WWOX: variants seen among roughly 807,000 people sequenced by gnomAD.
The protein encoded by WWOX is WW domain-containing oxidoreductase.
In WWOX, 69 loss-of-function variants were observed where a neutral mutation model predicts 46.2. That is an observed-to-expected ratio of 1.49 (90% CI 1.23 to 1.82). WWOX has a LOEUF of 1.82. Among genes scored for constraint, WWOX ranks in the 40% most tolerant of loss-of-function variants. The pLI is 0.00. For missense variants in WWOX, 919 were observed against 542.6 expected (o/e 1.69, Z -6.89); for synonymous variants, 359 against 202.6 (o/e 1.77, Z -6.56).
intron 5 of WWOX, among the ~76,000 whole-genome samples, chr16:78,354,312 C>CTTTTTTTT (rs55635025): frequency 0.097 from 11,868 of 122,940 alleles, 1,360 homozygotes; most frequent in African/African-American, 0.15. Context: ...ATGTGCTTAA[C>CTTTTTTTT]TTTTTTTTTT....
At chr16:78,628,782 G>C (rs1378226858) in intron 8 of WWOX, among the ~76,000 whole-genome samples, 1 of 152,120 alleles carries the variant, frequency 6.6e-6, no homozygotes, top group Non-Finnish European at 1.5e-5. Flanking sequence ...AGAGACCTTT[G>C]GAAAAGTCTG....
intron 8 of WWOX, among the ~76,000 whole-genome samples, chr16:78,772,663 G>A (rs2050092771): frequency 6.6e-6 from 1 of 152,170 alleles, no homozygotes; most frequent in East Asian, 1.9e-4. Flanking sequence ...CAGGCTTCAA[G>A]CCACTGGGGC....
intron 8 of WWOX, among the ~76,000 whole-genome samples, chr16:78,613,070 G>A (rs2045937642): frequency 1.3e-5 from 2 of 152,104 alleles, no homozygotes; most frequent in Admixed American, 1.3e-4. Context: ...AGGAAACTGT[G>A]CTTTAGTAAC....
intron 8 of WWOX, among the ~76,000 whole-genome samples, chr16:78,773,281 A>C (rs1403772607): frequency 6.6e-6 from 1 of 152,162 alleles, no homozygotes; most frequent in East Asian, 1.9e-4. Context: ...TCCTTCTACT[A>C]CAACTTCTGG....
At position 79,147,545 on chromosome 16, in the gene WWOX, A is replaced by G. The variant is rs143070838; in HGVS notation, c.1057-64063A>G. 5.5e-3 allele frequency among the ~76,000 whole-genome samples: 843 copies of G among 152,312 alleles called. 9 individuals carry two copies. The highest frequency in any genetic ancestry group is 0.019 in the African/African-American group (777 of 41,562). The stretch of plus-strand genomic sequence containing the variant: ...AGTCTTGGCTATTGAAAGTAATGCT[A>G]TTATAAACATTTGTACACAAGTGTT... On this transcript the variant is annotated intron_variant, in intron 8 of 8. Transcript: ENST00000566780.
chr16:78,516,432 G>C (rs1055686572), intron 8 of WWOX, among the ~76,000 whole-genome samples: 2 of 152,176 alleles, frequency 1.3e-5, no homozygotes, highest in African/African-American at 2.4e-5. Flanking sequence ...ATTTATGGTA[G>C]CTAGATTTCT....
At chr16:78,351,688 G>C (rs529031347) in intron 5 of WWOX, among the ~76,000 whole-genome samples, 1 of 152,060 alleles carries the variant, frequency 6.6e-6, no homozygotes, top group African/African-American at 2.4e-5. Flanking sequence ...ACAGAGTCTC[G>C]GTCTCTTGCC....
In WWOX at chr16:78,528,763, T is replaced by C. The variant is rs141431962; in HGVS notation, c.1056+96011T>C. On this transcript the variant is annotated intron_variant, in intron 8 of 8. Coordinates refer to ENST00000566780, the MANE Select transcript of WWOX (RefSeq NM_016373.4). ...ACTTTAGGTAGGGGTTTGAGGAAAA[T>C]GAAAAGGCCTATTTGTTTTTCAGTG... 4.4e-3 allele frequency among the ~76,000 whole-genome samples: 664 copies of C among 152,232 alleles called. 3 individuals are homozygous for C. The highest frequency in any genetic ancestry group is 0.015 in the African/African-American group (632 of 41,546).
intron 8 of WWOX, among the ~76,000 whole-genome samples, chr16:78,624,691 T>C (rs962673608): frequency 4.6e-5 from 7 of 152,240 alleles, no homozygotes; most frequent in Admixed American, 1.3e-4. Flanking sequence ...AAGATTTTTC[T>C]CAAAGTTGCC....
At chr16:78,265,892 AT>A (rs918851368) in intron 5 of WWOX, 1 of 152,210 alleles carries the variant, frequency 6.6e-6, no homozygotes, top group African/African-American at 2.4e-5. Flanking sequence ...CCTAATATAC[AT>A]CCAGTTTCAT....
intron 4 of WWOX, among the ~76,000 whole-genome samples, chr16:78,152,002 A>G (rs1279801398): frequency 6.6e-6 from 1 of 152,164 alleles, no homozygotes; most frequent in East Asian, 1.9e-4. Context: ...CGTCCTGGCT[A>G]ACACGGTGAA....
chr16:78,811,616 C>G (rs937460742), intron 8 of WWOX, among the ~76,000 whole-genome samples: 1 of 152,064 alleles, frequency 6.6e-6, no homozygotes, highest in African/African-American at 2.4e-5. Context: ...GGTGATCCAC[C>G]TGCCTCAGTC....
chr16:78,434,348 C>T (rs1228627203), intron 8 of WWOX, among the ~76,000 whole-genome samples: 1 of 152,192 alleles, frequency 6.6e-6, no homozygotes, highest in East Asian at 1.9e-4. Flanking sequence ...GTTTTGAAAT[C>T]TCCCCATCAC....
intron 8 of WWOX, among the ~76,000 whole-genome samples, chr16:78,785,462 G>T (rs1350653111): frequency 1.3e-5 from 2 of 152,116 alleles, no homozygotes. Context: ...CTGGCTCTCT[G>T]AAAAACAAAC....
At chr16:78,106,677 A>G (rs1307032256) in intron 1 of WWOX, among the ~76,000 whole-genome samples, 1 of 152,098 alleles carries the variant, frequency 6.6e-6, no homozygotes, top group Non-Finnish European at 1.5e-5. Flanking sequence ...TGCCCTCCTG[A>G]AGTACTGGGA....
chr16:78,883,845 C>G (rs1237663060), intron 8 of WWOX, among the ~76,000 whole-genome samples: 1 of 152,164 alleles, frequency 6.6e-6, no homozygotes, highest in East Asian at 1.9e-4. Flanking sequence ...TGTAAGTTTC[C>G]TGTAATACTA....
chr16:78,423,162 G>C (rs572591549), intron 6 of WWOX, among the ~76,000 whole-genome samples: 2 of 152,254 alleles, frequency 1.3e-5, no homozygotes, highest in East Asian at 3.9e-4. Context: ...TGAGATTACA[G>C]GCGTGAGCCG....
intron 8 of WWOX, among the ~76,000 whole-genome samples, chr16:78,820,184 C>T (rs1319070514): frequency 1.3e-5 from 2 of 152,102 alleles, no homozygotes; most frequent in Non-Finnish European, 2.9e-5. Context: ...GAGAAGCCCC[C>T]AGCCACTGAC....
At chr16:78,622,683 A>G (rs1160784457) in intron 8 of WWOX, among the ~76,000 whole-genome samples, 2 of 70,376 alleles carry the variant, frequency 2.8e-5, no homozygotes, top group Non-Finnish European at 6.2e-5. Flanking sequence ...TAGGTGGGAT[A>G]TGGGAGACTT....
Sources: gnomAD v4.1 joint callset for allele counts (sites outside exome capture counted in the v4.1 genomes callset) on GRCh38, gnomAD v4.1.1 for gene constraint, MANE v1.5 for transcripts, NCBI Gene and HGNC (gene_info 2026-07-23, HGNC 2026-07-21) for gene names.